The following LIFR variants were observed in gnomAD, a reference collection of about 807,000 sequenced individuals.
LIFR encodes the protein leukemia inhibitory factor receptor.
Under a neutral mutation model 122.2 loss-of-function variants are expected in LIFR, and 84 were observed. That is an observed-to-expected ratio of 0.69 (90% CI 0.58 to 0.82). The LOEUF (loss-of-function observed/expected upper bound fraction) is 0.82. Ranked by LOEUF, LIFR falls within the 40% of genes least tolerant of loss-of-function variation. The pLI is 0.00. For synonymous variants in LIFR, 422 were observed against 434.7 expected (o/e 0.97, Z 0.36); for missense variants, 1,294 against 1,311.6 (o/e 0.99, Z 0.21).
chr5:38,601,356 C>A (rs537871059), intron 2 of LIFR, among the ~76,000 whole-genome samples: 1 of 152,180 alleles, frequency 6.6e-6, no homozygotes, highest in Non-Finnish European at 1.5e-5. Context: ...CTTAAGCCAC[C>A]CAGTCTGTGG....
chr5:38,554,021 G>A (rs985912517), intron 1 of LIFR, among the ~76,000 whole-genome samples: 12 of 152,054 alleles, frequency 7.9e-5, no homozygotes, highest in African/African-American at 2.7e-4. Context: ...ACAGAAGGCA[G>A]GGATTTGAGT....
intron 10 of LIFR, 44 bp from the exon 11 acceptor site, chr5:38,502,843 G>C (rs770709260): frequency 1.8e-6 from 2 of 1,108,980 alleles, no homozygotes; most frequent in South Asian, 3.3e-5. Context: ...TATATTATGT[G>C]TATGAATACA....
chr5:38,583,952 G>A (rs1461854217), intron 1 of LIFR, among the ~76,000 whole-genome samples: 1 of 152,008 alleles, frequency 6.6e-6, no homozygotes, highest in Non-Finnish European at 1.5e-5. Flanking sequence ...CATGTAAGAT[G>A]TAACTTTTGC....
intron 1 of LIFR, among the ~76,000 whole-genome samples, chr5:38,551,661 T>C (rs969852710): frequency 6.6e-6 from 1 of 152,214 alleles, no homozygotes; most frequent in African/African-American, 2.4e-5. Context: ...TAATATAGCA[T>C]ATAAACAATG....
Position 38,482,463 on chromosome 5 carries a change from T to C in LIFR, c.2670+126A>G, listed in dbSNP as rs1744047838. On this transcript the variant is annotated intron_variant, in intron 19 of 19. Transcript: ENST00000453190. Reference sequence around the variant, plus strand: ...TTAATAATTTTAGAAACTGAGATGTTTTAAAGTATATAATTTTCCCAATAC... The same window carrying C: ...TTAATAATTTTAGAAACTGAGATGTCTTAAAGTATATAATTTTCCCAATAC... The C allele has an allele frequency of 7.7e-6, 5 of 653,498 alleles. No homozygotes were observed. The South Asian group carries it at 1.1e-4, about 15-fold the overall frequency. 40.5% of individuals were successfully genotyped at this position (653,498 alleles called of 1,614,324 possible).
intron 3 of LIFR, 58 bp from the exon 4 acceptor site, chr5:38,527,352 A>G: frequency 8.4e-7 from 1 of 1,188,346 alleles, no homozygotes; most frequent in South Asian, 1.3e-5. Flanking sequence ...AATTTTCATA[A>G]AAATTTGGTT....
At chr5:38,546,742 C>T (rs1747913985) in intron 1 of LIFR, among the ~76,000 whole-genome samples, 1 of 152,186 alleles carries the variant, frequency 6.6e-6, no homozygotes, top group South Asian at 2.1e-4. Context: ...AGACAAAAGG[C>T]AGGACAGGCC....
At chr5:38,523,785 T>C (rs1476876620) in intron 4 of LIFR, among the ~76,000 whole-genome samples, 1 of 152,210 alleles carries the variant, frequency 6.6e-6, no homozygotes, top group Non-Finnish European at 1.5e-5. Context: ...ATGTCATGGA[T>C]ATTTCAAAGA....
chr5:38,529,563 A>G (rs1746886908), intron 2 of LIFR, among the ~76,000 whole-genome samples: 1 of 152,278 alleles, frequency 6.6e-6, no homozygotes, highest in African/African-American at 2.4e-5. Context: ...ATAAAATAAC[A>G]TTACACCATG....
intron 2 of LIFR, among the ~76,000 whole-genome samples, chr5:38,601,916 G>A (rs770090868): frequency 1.3e-5 from 2 of 152,128 alleles, no homozygotes; most frequent in Non-Finnish European, 2.9e-5. Flanking sequence ...TGTCTCCTGT[G>A]TTCTCACTGC....
At position 38,479,982 on chromosome 5, in the gene LIFR, C is replaced by T. The variant is rs1426905400; in HGVS notation, c.*1613G>A. On this transcript the variant is annotated 3_prime_UTR_variant, in exon 20 of 20. Coordinates refer to ENST00000453190, the MANE Select transcript of LIFR (RefSeq NM_001127671.2). ...AAAATCAGGATTCATACACAGAGAA[C>T]CTAAATAGATTTTGTCACTTGTCAC... 1 of 223,818 alleles carries T rather than the reference C, an allele frequency of 4.5e-6. No homozygotes were observed. The highest frequency in any genetic ancestry group is 8.9e-6 in the Non-Finnish European group (1 of 112,504). The allele number at this position is 223,818 out of a possible 1,614,324, so 13.9% of individuals were successfully genotyped here.
At chr5:38,515,596 G>A (rs1035052456) in intron 5 of LIFR, among the ~76,000 whole-genome samples, 1 of 151,786 alleles carries the variant, frequency 6.6e-6, no homozygotes, top group African/African-American at 2.4e-5. Flanking sequence ...GCTGCGGGGA[G>A]AAGGAGGGAG....
chr5:38,587,373 C>A (rs527866776), intron 1 of LIFR, among the ~76,000 whole-genome samples: 2 of 151,616 alleles, frequency 1.3e-5, no homozygotes, highest in Non-Finnish European at 2.9e-5. Flanking sequence ...AACAGGGAGG[C>A]GTTACTGGTG....
rs762885486 is a variant in LIFR, at chr5:38,501,993, T to TTA, written c.1600+643_1600+644insTA. ...TTTTTTAGTAATTGTTTTTTTTTTT[T>TTA]AAAAAAAAGGCCAATGAGTTAAAAG... On this transcript the variant is annotated intron_variant, in intron 11 of 19. Coordinates refer to ENST00000453190, the MANE Select transcript of LIFR (RefSeq NM_001127671.2). 2.7e-5 allele frequency among the ~76,000 whole-genome samples: 4 copies of TTA among 149,498 alleles called. No individual in the cohort carries two copies. The East Asian group carries it at 5.9e-4, about 22-fold the overall frequency.
At chr5:38,565,575 C>A (rs944628150) in intron 1 of LIFR, among the ~76,000 whole-genome samples, 5 of 150,522 alleles carry the variant, frequency 3.3e-5, no homozygotes, top group African/African-American at 9.8e-5. Flanking sequence ...ATACCTCTGT[C>A]ATGATTGTTG....
intron 2 of LIFR, 27 bp downstream of exon 2, chr5:38,530,479 C>T (rs758872067): frequency 1.0e-5 from 16 of 1,594,652 alleles, no homozygotes; most frequent in African/African-American, 1.3e-5. Flanking sequence ...GCAATCTGTT[C>T]ATTCTCTGGA....
At chr5:38,596,770 G>A (rs1750109012), upstream of LIFR, among the ~76,000 whole-genome samples, 1 of 152,078 alleles carries the variant, frequency 6.6e-6, no homozygotes, top group South Asian at 2.1e-4. Flanking sequence ...CTTGTATATT[G>A]TTCTGGTTCC....
intron 7 of LIFR, 63 bp from the exon 8 acceptor site, chr5:38,506,695 T>C: frequency 7.2e-7 from 1 of 1,381,434 alleles, no homozygotes; most frequent in Non-Finnish European, 1.0e-6. Context: ...CATAATATTT[T>C]ATAAACGTCA....
chr5:38,604,976 C>G (rs1437797904), intron 2 of LIFR, among the ~76,000 whole-genome samples: 2 of 152,116 alleles, frequency 1.3e-5, no homozygotes, highest in Admixed American at 1.3e-4. Context: ...AAGAGTTACT[C>G]TCAGTATTAT....
Sources: allele counts gnomAD v4.1 joint callset (sites outside exome capture counted in the v4.1 genomes callset), GRCh38; gene constraint gnomAD v4.1.1; transcripts MANE v1.5; gene names NCBI Gene and HGNC (gene_info 2026-07-23, HGNC 2026-07-21).